The following FADS3 variants were observed in gnomAD, a reference collection of about 807,000 sequenced individuals.
FADS3 encodes the protein cytochrome b5-related protein.
In FADS3, 30 loss-of-function variants were observed where a neutral mutation model predicts 60.4. The ratio of observed to expected loss-of-function variants is 0.50; its 90% CI spans 0.37 to 0.67. The LOEUF is 0.67. Among genes scored for constraint, FADS3 ranks in the 30% least tolerant of loss-of-function variants. The pLI is 0.00. For synonymous variants in FADS3, 234 were observed against 249.3 expected, an observed-to-expected ratio of 0.94 and a Z score of 0.58; for missense variants, 432 against 598.3, an observed-to-expected ratio of 0.72 and a Z score of 2.90.
chr11:61,889,734 GC>G (rs1281052138), intron 1 of FADS3, among the ~76,000 whole-genome samples: 3 of 152,250 alleles, frequency 2.0e-5, no homozygotes, highest in Non-Finnish European at 4.4e-5. Flanking sequence ...GGTGGCTCAT[GC>G]CTGTAATCCC....
rs202232198 is a variant in FADS3, at chr11:61,876,169, C to T, written c.1102G>A (p.Glu368Lys). The change falls in exon 10 of 12, where the codon GAG becomes AAG. Residue 368 changes from glutamate to lysine, a missense_variant. Glu to Lys is a moderately conservative substitution (Grantham distance 56). Around this residue, in one of 5 missense-constraint regions of FADS3, gnomAD observed 48 missense variants for 101.3 expected, o/e 0.47. Coordinates refer to ENST00000278829, the MANE Select transcript of FADS3 (RefSeq NM_021727.5). The surrounding 1 kb of genome is among the most constrained non-coding windows in gnomAD (Gnocchi z 5.7). ...SSQLAATCNV[E>K]PSLFTNWFSG... ...AACCAGTTGGTGAAAAGTGAGGGCT[C>T]CACGTTGCAGGTGGCTGCCAGCTGC... 295 of 1,605,322 alleles carry T rather than the reference C, an allele frequency of 1.8e-4. 3 individuals are homozygous for T. Among genetic ancestry groups the T allele is most frequent in the South Asian group, 4.0e-4 (36 of 90,120 alleles).
chr11:61,878,947 T>C (rs1024291103), intron 3 of FADS3, 100 bp from the exon 4 acceptor site: 3 of 907,504 alleles, frequency 3.3e-6, no homozygotes, highest in Non-Finnish European at 5.1e-6. Flanking sequence ...ACCCCCGTGC[T>C]AATGCTCCAT....
intron 1 of FADS3, among the ~76,000 whole-genome samples, chr11:61,886,808 A>G (rs986994476): frequency 6.6e-6 from 1 of 152,242 alleles, no homozygotes; most frequent in African/African-American, 2.4e-5. Flanking sequence ...TGCCTAGTCA[A>G]TAACTGTTGG....
rs779205600 is a variant in FADS3, at chr11:61,873,788, C to T, written c.*26G>A. 1.7e-5 allele frequency: 28 copies of T among 1,602,600 alleles called. No individual in the cohort carries two copies. In the Admixed American group the frequency reaches 4.7e-4, roughly 27 times the overall value. On this transcript the variant is annotated 3_prime_UTR_variant, in exon 12 of 12. Coordinates refer to ENST00000278829, the MANE Select transcript of FADS3 (RefSeq NM_021727.5). ...GGCTTGGTTGCTGGTGCCCTGAGCCCTTCTCTGCCCGCCTGGGTGTTGCCT... is the reference window on the plus strand; with the variant it reads ...GGCTTGGTTGCTGGTGCCCTGAGCCTTTCTCTGCCCGCCTGGGTGTTGCCT...
At chr11:61,891,060 G>C in intron 1 of FADS3, 109 bp downstream of exon 1, 1 of 979,632 alleles carries the variant, frequency 1.0e-6, no homozygotes, top group Non-Finnish European at 1.5e-6. Context: ...TCAAAGGTCA[G>C]CGAGGGGAGG....
intron 1 of FADS3, among the ~76,000 whole-genome samples, chr11:61,889,733 T>C (rs1053014382): frequency 1.8e-4 from 28 of 152,130 alleles, no homozygotes; most frequent in African/African-American, 6.7e-4. Context: ...TGGTGGCTCA[T>C]GCCTGTAATC....
At chr11:61,889,829 C>CT (rs2136003505) in intron 1 of FADS3, among the ~76,000 whole-genome samples, 1 of 152,328 alleles carries the variant, frequency 6.6e-6, no homozygotes, top group Admixed American at 6.5e-5. Context: ...GACCCTGTCT[C>CT]TATTTTTAAA....
In FADS3 at chr11:61,876,582, G is replaced by T; in HGVS notation, c.984-127C>A. The T allele has an allele frequency of 1.3e-6, 1 of 766,712 alleles. No homozygotes were observed. Among genetic ancestry groups the T allele is most frequent in the African/African-American group, 1.7e-5 (1 of 58,908 alleles). 47.5% of individuals were successfully genotyped at this position (766,712 alleles called of 1,614,324 possible). ...TCTGTACAATAGGATTGTGGCCATCGCCCCCTTGCCAGTGTTTAAAGAATC... is the reference window on the plus strand; with the variant it reads ...TCTGTACAATAGGATTGTGGCCATCTCCCCCTTGCCAGTGTTTAAAGAATC... On this transcript the variant is annotated intron_variant, in intron 8 of 11. Transcript: ENST00000278829. This position sits in a 1 kb window ranked among gnomAD's most constrained non-coding sequence, Gnocchi z 5.7.
intron 11 of FADS3, among the ~76,000 whole-genome samples, chr11:61,874,684 CT>C (rs1036051025): frequency 7.4e-4 from 112 of 152,304 alleles, no homozygotes; most frequent in African/African-American, 2.4e-3. Context: ...CAAGTGCCCT[CT>C]GCCTGAACGC....
At chr11:61,891,067 G>A (rs1168119422) in intron 1 of FADS3, 102 bp downstream of exon 1, 2 of 1,019,250 alleles carry the variant, frequency 2.0e-6, no homozygotes, top group Non-Finnish European at 2.9e-6. Flanking sequence ...TCAGCGAGGG[G>A]AGGGAGGATG....
intron 1 of FADS3, among the ~76,000 whole-genome samples, chr11:61,884,001 C>G (rs1938225441): frequency 6.6e-6 from 1 of 152,200 alleles, no homozygotes; most frequent in Non-Finnish European, 1.5e-5. Context: ...TGGGGCTGTG[C>G]TTCTCATGCT....
At position 61,891,285 on chromosome 11, in the gene FADS3, G is replaced by T; in HGVS notation, c.97C>A (p.Gln33Lys). The change falls in exon 1 of 12, where the codon CAG becomes AAG. Residue 33 changes from glutamine (Q) to lysine (K), a missense_variant. Coordinates refer to ENST00000278829, the MANE Select transcript of FADS3 (RefSeq NM_021727.5). The part of the protein sequence containing the change: ...FCWEQIRAHD[Q>K]PGDKWLVIER... The stretch of plus-strand genomic sequence containing the variant: ...ATGACCAGCCACTTGTCGCCGGGCT[G>T]GTCGTGCGCGCGGATCTGCTCCCAG... The T allele has an allele frequency of 6.5e-7, 1 of 1,536,510 alleles. No individual in the cohort carries two copies. Among genetic ancestry groups the T allele is most frequent in the Non-Finnish European group, 8.7e-7 (1 of 1,145,824 alleles).
At chr11:61,878,407 A>C in intron 5 of FADS3, 105 bp downstream of exon 5, 1 of 1,499,518 alleles carries the variant, frequency 6.7e-7, no homozygotes, top group East Asian at 2.3e-5. Context: ...GCCAGAGTGG[A>C]GGCCAGATCA....
intron 11 of FADS3, among the ~76,000 whole-genome samples, chr11:61,875,068 A>G (rs962592573): frequency 6.6e-6 from 1 of 152,194 alleles, no homozygotes; most frequent in South Asian, 2.1e-4. Context: ...CTCCTCTTGT[A>G]GACGCTTATC....
chr11:61,877,759 C>A lies in FADS3; in HGVS notation c.809-172G>T. The A allele has an allele frequency of 1.6e-6, 1 of 640,586 alleles. No individual in the cohort carries two copies. The highest frequency in any genetic ancestry group is 2.7e-6 in the Non-Finnish European group (1 of 364,340). 39.7% of individuals were successfully genotyped at this position (640,586 alleles called of 1,614,324 possible). A position where few individuals can be genotyped will look rare whatever the true frequency, so the allele number is the denominator to read the frequency against. On this transcript the variant is annotated intron_variant, in intron 6 of 11. Coordinates refer to ENST00000278829, the MANE Select transcript of FADS3 (RefSeq NM_021727.5). The surrounding 1 kb of genome is among the most constrained non-coding windows in gnomAD (Gnocchi z 4.7). The stretch of plus-strand genomic sequence containing the variant: ...AATTCTGTGTCCAAGCCTCCCCAGG[C>A]TGCCCTTACCCCACCACCTCCCACC...
rs1385580991 is a variant in FADS3 at position 61,880,093 on chromosome 11, A to C, written c.272T>G (p.Leu91Arg). ...TTCCGGAGCCAGCTCTCCAATCAAC[A>C]GGGGCTGTAGGAACTTGCGCACAAA... is the stretch of plus-strand genomic sequence containing the variant. ...LNFVRKFLQP[L>R]LIGELAPEEP... is the part of the protein sequence containing the mutation. Residue 91 changes from leucine (L) to arginine (R), a missense_variant, in exon 2 of 12, where the codon CTG (leucine) becomes CGG (arginine). Physicochemically the swap from Leu to Arg is moderately radical, Grantham distance 102. Around this residue, in one of 5 missense-constraint regions of FADS3, gnomAD observed 167 missense variants for 188.8 expected, o/e 0.88. Coordinates refer to ENST00000278829, the MANE Select transcript of FADS3 (RefSeq NM_021727.5). 1 of 1,614,088 alleles carries C rather than the reference A, an allele frequency of 6.2e-7. No homozygotes were observed. The highest frequency in any genetic ancestry group is 2.2e-5 in the East Asian group (1 of 44,884).
At chr11:61,883,809 C>A (rs979672347) in intron 1 of FADS3, among the ~76,000 whole-genome samples, 1 of 151,454 alleles carries the variant, frequency 6.6e-6, no homozygotes, top group African/African-American at 2.4e-5. Context: ...CAGAACCAAG[C>A]CTGCCCCAGG....
upstream of FADS3, chr11:61,891,553 A>G: frequency 3.1e-6 from 1 of 322,940 alleles, no homozygotes; most frequent in Non-Finnish European, 5.3e-6. Context: ...CTCGCGGCGC[A>G]GGGAACTCCC....
At chr11:61,891,027 A>G in intron 1 of FADS3, 142 bp downstream of exon 1, 1 of 755,614 alleles carries the variant, frequency 1.3e-6, no homozygotes, top group South Asian at 1.7e-5. Flanking sequence ...AGTCCACCCC[A>G]ACTCTGGGTC....
Sources: gnomAD v4.1 joint callset for allele counts (sites outside exome capture counted in the v4.1 genomes callset) on GRCh38, gnomAD v4.1.1 for gene constraint, gnomAD v4.1.1 regional missense constraint, Gnocchi (gnomAD v3.1) non-coding constraint, MANE v1.5 for transcripts, NCBI Gene and HGNC (gene_info 2026-07-23, HGNC 2026-07-21) for gene names.